HEATR5A: variants seen among roughly 807,000 people sequenced by gnomAD.
The protein encoded by HEATR5A is HEAT repeat containing 5A.
HEATR5A carries 178 observed loss-of-function variants against 218.8 expected under a neutral mutation model. That is an observed-to-expected ratio of 0.81 (90% CI 0.72 to 0.92). The LOEUF (loss-of-function observed/expected upper bound fraction) is 0.92, where lower values mean the gene tolerates loss of function less well. HEATR5A is among the 40% of genes least tolerant of loss of function. The pLI is 0.00. For synonymous variants in HEATR5A, 864 were observed against 871.6 expected, an observed-to-expected ratio of 0.99 and a Z score of 0.15; for missense variants, 2,420 against 2,418.9, an observed-to-expected ratio of 1.00 and a Z score of -0.01.
At chr14:31,415,405 G>A (rs139244280) in intron 1 of HEATR5A, among the ~76,000 whole-genome samples, 2 of 152,294 alleles carry the variant, frequency 1.3e-5, no homozygotes, top group East Asian at 3.9e-4. Context: ...CCCCACAATT[G>A]TCTGGAGCAG....
chr14:31,392,730 T>C (rs886688160), intron 6 of HEATR5A, among the ~76,000 whole-genome samples: 3 of 152,198 alleles, frequency 2.0e-5, no homozygotes, highest in African/African-American at 7.2e-5. Context: ...CCCTGACACA[T>C]ACACAGCCTG....
At chr14:31,391,073 T>G (rs2030435142) in intron 6 of HEATR5A, among the ~76,000 whole-genome samples, 1 of 151,832 alleles carries the variant, frequency 6.6e-6, no homozygotes, top group African/African-American at 2.4e-5. Context: ...AAAATTTTTT[T>G]AATAGAAAAA....
intron 22 of HEATR5A, 60 bp downstream of exon 22, chr14:31,337,416 G>A: frequency 1.4e-6 from 2 of 1,415,368 alleles, no homozygotes; most frequent in Non-Finnish European, 1.9e-6. Context: ...ATGTATATAT[G>A]GAAAATTTAA....
rs761994357 is a variant in HEATR5A at position 31,323,682 on chromosome 14, C to T, written c.3670G>A (p.Ala1224Thr). ...KSHPFTNPRW[A>T]TRVFAAECVC... ...CATTCAGCAGCAAAGACTCTAGTAG[C>T]CCATCGGGGATTGGTAAAAGGATGG... Residue 1224 changes from alanine to threonine, a missense_variant, in exon 24 of 36, where the codon GCT becomes ACT. Coordinates refer to ENST00000543095, the MANE Select transcript of HEATR5A (RefSeq NM_015473.4). The T allele has an allele frequency of 1.9e-6, 3 of 1,613,700 alleles. No individual in the cohort carries two copies. Among genetic ancestry groups the T allele is most frequent in the African/African-American group, 1.3e-5 (1 of 74,978 alleles).
In HEATR5A at chr14:31,383,581, T is replaced by C; in HGVS notation, c.1536A>G (p.Val512=). Residue 512 remains valine, a synonymous_variant, in exon 10 of 36, where the codon GTA becomes GTG. Transcript: ENST00000543095. ...GTTTTACTGCTCCCAACAAAGCTGCTACAGCAAAACTGAAGCCAGTCACTG... is the reference window on the plus strand; with the variant it reads ...GTTTTACTGCTCCCAACAAAGCTGCCACAGCAAAACTGAAGCCAGTCACTG... ...PEAVTGFSFA[V]AALLGAVKHC... is the part of the protein sequence containing the mutation. 1 of 1,613,952 alleles carries C rather than the reference T, an allele frequency of 6.2e-7. No individual in the cohort carries two copies. The highest frequency in any genetic ancestry group is 8.5e-7 in the Non-Finnish European group (1 of 1,179,834).
chr14:31,321,571 A>T lies in HEATR5A; in HGVS notation c.3897T>A (p.Val1299=). The change falls in exon 25 of 36, where the codon GTT becomes GTA. Residue 1299 remains valine, a synonymous_variant. Coordinates refer to ENST00000543095, the MANE Select transcript of HEATR5A (RefSeq NM_015473.4). ...RLSGLEMLLV[V]IRRFATVPEP... is the part of the protein sequence containing the mutation. ...CTGGAACAGTTGCAAATCGCCGAATAACAACTAACAGCATTTCAAGGCCAG... is the reference window on the plus strand; with the variant it reads ...CTGGAACAGTTGCAAATCGCCGAATTACAACTAACAGCATTTCAAGGCCAG... The T allele has an allele frequency of 6.2e-7, 1 of 1,608,156 alleles. No homozygotes were observed.
intron 1 of HEATR5A, among the ~76,000 whole-genome samples, chr14:31,412,693 G>A (rs2031317414): frequency 6.6e-6 from 1 of 151,652 alleles, no homozygotes; most frequent in Non-Finnish European, 1.5e-5. Flanking sequence ...GAGTTCCATG[G>A]AGAAACTCTG....
At chr14:31,301,032 C>T (rs755564136) in intron 33 of HEATR5A, among the ~76,000 whole-genome samples, 1 of 152,170 alleles carries the variant, frequency 6.6e-6, no homozygotes, top group Non-Finnish European at 1.5e-5. Context: ...AGCCAGGCTC[C>T]ACCAGATTCC....
At chr14:31,346,730 C>T (rs1019862156) in intron 19 of HEATR5A, among the ~76,000 whole-genome samples, 9 of 152,014 alleles carry the variant, frequency 5.9e-5, no homozygotes, top group South Asian at 2.1e-4. Flanking sequence ...TTTAGGAAAA[C>T]GAATTTAGCC....
chr14:31,366,196 C>T (rs1901796179), intron 13 of HEATR5A, among the ~76,000 whole-genome samples: 1 of 152,122 alleles, frequency 6.6e-6, no homozygotes, highest in African/African-American at 2.4e-5. Flanking sequence ...ATCGCTTGAG[C>T]CCACGAGTTT....
At position 31,321,703 on chromosome 14, in the gene HEATR5A, G is replaced by T. The variant is rs146803644; in HGVS notation, c.3788-23C>A. 371 of 1,501,030 alleles carry T rather than the reference G, an allele frequency of 2.5e-4. No homozygotes were observed. In the African/African-American group the frequency reaches 4.4e-3, roughly 18 times the overall value. 93.0% of individuals were successfully genotyped at this position (1,501,030 alleles called of 1,614,324 possible). The stretch of plus-strand genomic sequence containing the variant: ...CATCTATAAGATTAAAAAACATATT[G>T]GGAGAAAAAAAGATTAGAAAATATC... On this transcript the variant is annotated intron_variant, in intron 24 of 35. Transcript: ENST00000543095.
chr14:31,392,438 C>T (rs2030489596), intron 6 of HEATR5A, among the ~76,000 whole-genome samples: 1 of 152,148 alleles, frequency 6.6e-6, no homozygotes. Context: ...CAAGAGAAAA[C>T]TCATGACCTA....
At chr14:31,349,409 C>T (rs966954568) in intron 18 of HEATR5A, among the ~76,000 whole-genome samples, 2 of 152,114 alleles carry the variant, frequency 1.3e-5, no homozygotes, top group African/African-American at 2.4e-5. Flanking sequence ...ATGAAAGTAC[C>T]GTTTGTTTCC....
intron 27 of HEATR5A, among the ~76,000 whole-genome samples, chr14:31,313,657 C>A (rs1331854094): frequency 2.0e-5 from 3 of 152,152 alleles, no homozygotes; most frequent in Admixed American, 2.0e-4. Context: ...GTATAACATG[C>A]ACTATCCCTT....
intron 1 of HEATR5A, among the ~76,000 whole-genome samples, chr14:31,416,690 T>G (rs964234491): frequency 6.6e-6 from 1 of 152,058 alleles, no homozygotes; most frequent in South Asian, 2.1e-4. Context: ...GTTTAAAGAG[T>G]GCTAACTTTC....
chr14:31,333,193 A>G (rs756861703), intron 22 of HEATR5A, among the ~76,000 whole-genome samples: 1 of 152,174 alleles, frequency 6.6e-6, no homozygotes, highest in Non-Finnish European at 1.5e-5. Flanking sequence ...ATCCTGATAT[A>G]GAAGCTTCAT....
Position 31,380,582 on chromosome 14 carries a change from T to C in HEATR5A, c.1597-4A>G. 1 of 1,558,100 alleles carries C rather than the reference T, an allele frequency of 6.4e-7. No homozygotes were observed. Among genetic ancestry groups the C allele is most frequent in the Non-Finnish European group, 8.7e-7 (1 of 1,144,682 alleles). ...CCTCTGCTAATGTCATAATAATCTA[T>C]TTACATATAGAACAAGTTTTAAAAA... On this transcript the variant is annotated splice_region_variant and splice_polypyrimidine_tract_variant and intron_variant, in intron 10 of 35. Coordinates refer to ENST00000543095, the MANE Select transcript of HEATR5A (RefSeq NM_015473.4).
chr14:31,364,851 C>T lies in HEATR5A; in HGVS notation c.1962-553G>A, dbSNP rs556551516. ...TGCTCATTCATTTAACAAACATTTG[C>T]TAAAGGACTACTACTGTTTTTGGTT... On this transcript the variant is annotated intron_variant, in intron 13 of 35. Coordinates refer to ENST00000543095, the MANE Select transcript of HEATR5A (RefSeq NM_015473.4). 4.6e-5 allele frequency among the ~76,000 whole-genome samples: 7 copies of T among 152,196 alleles called. No homozygotes were observed. In the South Asian group the frequency reaches 1.5e-3, roughly 32 times the overall value.
At chr14:31,398,293 C>T (rs527765756) in intron 4 of HEATR5A, among the ~76,000 whole-genome samples, 1 of 152,284 alleles carries the variant, frequency 6.6e-6, no homozygotes, top group East Asian at 1.9e-4. Flanking sequence ...AGTAACTCAT[C>T]TATCCATAAG....
Sources: allele counts gnomAD v4.1 joint callset (sites outside exome capture counted in the v4.1 genomes callset), GRCh38; gene constraint gnomAD v4.1.1; transcripts MANE v1.5; gene names NCBI Gene and HGNC (gene_info 2026-07-23, HGNC 2026-07-21).